The following SEC14L1 variants were observed in gnomAD, a reference collection of about 807,000 sequenced individuals.
SEC14L1 encodes SEC14-like protein 1.
A neutral mutation model predicts 85.3 loss-of-function variants in SEC14L1; 48 were observed. That is an observed-to-expected ratio of 0.56 (90% CI 0.45 to 0.72). SEC14L1 has a LOEUF of 0.72. Ranked by LOEUF, SEC14L1 falls within the 30% of genes least tolerant of loss-of-function variation. The pLI is 0.00. For synonymous variants in SEC14L1, 391 were observed against 355.5 expected, an observed-to-expected ratio of 1.10 and a Z score of -1.12; for missense variants, 682 against 921.4, an observed-to-expected ratio of 0.74 and a Z score of 3.36.
At chr17:77,158,712 G>A (rs1395660441) in intron 3 of SEC14L1, among the ~76,000 whole-genome samples, 1 of 150,642 alleles carries the variant, frequency 6.6e-6, no homozygotes, top group Non-Finnish European at 1.5e-5. Context: ...TTGACTTACC[G>A]ATGGACGTTG....
intron 3 of SEC14L1, among the ~76,000 whole-genome samples, chr17:77,097,916 G>T (rs1971684427): frequency 6.6e-6 from 1 of 152,158 alleles, no homozygotes; most frequent in Admixed American, 6.6e-5. Context: ...ACGGGATGGG[G>T]TTTGCAATTT....
upstream of SEC14L1, among the ~76,000 whole-genome samples, chr17:77,137,846 C>T (rs1156618905): frequency 6.6e-6 from 1 of 152,132 alleles, no homozygotes. Context: ...GTATAACCAC[C>T]CAAGGGGTTC....
intron 3 of SEC14L1, among the ~76,000 whole-genome samples, chr17:77,164,982 T>G (rs1974223231): frequency 6.6e-6 from 1 of 152,194 alleles, no homozygotes; most frequent in South Asian, 2.1e-4. Context: ...TGTTTCCTTA[T>G]TCTGTGGAAA....
At chr17:77,163,391 T>TTTTTCTCAGCACATCCCTCCCTCA (rs6146155) in intron 3 of SEC14L1, among the ~76,000 whole-genome samples, 3 of 152,030 alleles carry the variant, frequency 2.0e-5, no homozygotes, top group Non-Finnish European at 4.4e-5. Context: ...CTAAGACTGG[T>TTTTTCTCAGCACATCCCTCCCTCA]TCAGTCAGAG....
At chr17:77,191,692 G>A (rs1366020506) in intron 5 of SEC14L1, among the ~76,000 whole-genome samples, 3 of 152,024 alleles carry the variant, frequency 2.0e-5, no homozygotes, top group Non-Finnish European at 4.4e-5. Context: ...ACAGGCAAGC[G>A]CCACCACGCC....
At chr17:77,143,468 C>G in intron 2 of SEC14L1, 99 bp from the exon 3 acceptor site, 2 of 660,924 alleles carry the variant, frequency 3.0e-6, no homozygotes, top group Non-Finnish European at 2.6e-6. Context: ...ATTGTGGTCT[C>G]TTTCTGTCGT....
intron 3 of SEC14L1, among the ~76,000 whole-genome samples, chr17:77,111,030 CA>C (rs1023194056): frequency 1.3e-5 from 2 of 149,510 alleles, no homozygotes; most frequent in Middle Eastern, 3.5e-3. Context: ...CTCATCTCTG[CA>C]AAAATACAAA....
upstream of SEC14L1, chr17:77,088,710 T>C (rs1207360046): frequency 6.6e-6 from 1 of 152,156 alleles, no homozygotes; most frequent in African/African-American, 2.4e-5. Flanking sequence ...CTTTGGCCTG[T>C]TGGAGGGGAA....
chr17:77,200,821 T>A, intron 9 of SEC14L1, 148 bp downstream of exon 9: 1 of 751,960 alleles, frequency 1.3e-6, no homozygotes, highest in Non-Finnish European at 2.1e-6. Context: ...CTTTCCCAAG[T>A]TGAACAGACT....
chr17:77,130,386 G>A (rs1185414728), intron 3 of SEC14L1, among the ~76,000 whole-genome samples: 3 of 151,844 alleles, frequency 2.0e-5, no homozygotes, highest in Non-Finnish European at 4.4e-5. Flanking sequence ...GCGCTGTCTC[G>A]GCTCACTGCA....
intron 3 of SEC14L1, among the ~76,000 whole-genome samples, chr17:77,187,984 A>T (rs901721003): frequency 2.0e-5 from 3 of 152,116 alleles, no homozygotes; most frequent in African/African-American, 7.2e-5. Context: ...GGCTCAAGTG[A>T]TCTGCACGCC....
At chr17:77,199,628 T>C (rs377314369) in intron 8 of SEC14L1, 3 of 152,366 alleles carry the variant, frequency 2.0e-5, no homozygotes, top group East Asian at 1.9e-4. Flanking sequence ...TAACTTTTTA[T>C]TTAAATGCAG....
At chr17:77,209,603 T>A in intron 14 of SEC14L1, 127 bp downstream of exon 14, 1 of 952,054 alleles carries the variant, frequency 1.1e-6, no homozygotes, top group Non-Finnish European at 1.5e-6. Context: ...GTCTTTAGGC[T>A]TTTGTTGACA....
At chr17:77,128,404 TA>T (rs1972513432) in intron 3 of SEC14L1, among the ~76,000 whole-genome samples, 2 of 12,662 alleles carry the variant, frequency 1.6e-4, no homozygotes, top group African/African-American at 1.4e-3. Flanking sequence ...TATTTTATTT[TA>T]TTTTATTTTA....
At chr17:77,118,923 C>T (rs907060997) in intron 3 of SEC14L1, among the ~76,000 whole-genome samples, 2 of 152,110 alleles carry the variant, frequency 1.3e-5, no homozygotes, top group African/African-American at 4.8e-5. Flanking sequence ...TGAAGGAAGC[C>T]CTGGCTTTGC....
chr17:77,144,456 C>T (rs1289219955), intron 3 of SEC14L1, among the ~76,000 whole-genome samples: 1 of 152,174 alleles, frequency 6.6e-6, no homozygotes, highest in Non-Finnish European at 1.5e-5. Flanking sequence ...GGACTGTTAC[C>T]TGTTTCTGTT....
intron 3 of SEC14L1, among the ~76,000 whole-genome samples, chr17:77,166,371 C>T (rs1353272803): frequency 6.6e-6 from 1 of 152,210 alleles, no homozygotes; most frequent in Admixed American, 6.5e-5. Flanking sequence ...CCAAGGACCA[C>T]TTTTAATGGT....
chr17:77,142,079 T>A (rs541366886), intron 1 of SEC14L1, among the ~76,000 whole-genome samples: 3 of 152,140 alleles, frequency 2.0e-5, no homozygotes, highest in Non-Finnish European at 4.4e-5. Context: ...TCTTTCAAGA[T>A]CATCTCCCCG....
intron 14 of SEC14L1, 151 bp from the exon 15 acceptor site, chr17:77,211,797 ACT>A (rs1472509964): frequency 3.2e-6 from 3 of 934,458 alleles, no homozygotes; most frequent in Admixed American, 4.5e-5. Flanking sequence ...GTGGTGTGTG[ACT>A]CTGGGGAAAG....
Sources: allele counts gnomAD v4.1 joint callset (sites outside exome capture counted in the v4.1 genomes callset), GRCh38; gene constraint gnomAD v4.1.1; transcripts MANE v1.5; gene names NCBI Gene and HGNC (gene_info 2026-07-23, HGNC 2026-07-21).